Variants in MYO3B observed in about 807,000 individuals in gnomAD.
MYO3B encodes myosin IIIB, also known as myosin-IIIb.
Under a neutral mutation model 174.6 loss-of-function variants are expected in MYO3B, and 156 were observed. That is an observed-to-expected ratio of 0.89 (90% confidence interval 0.78 to 1.02). MYO3B has a LOEUF of 1.02. MYO3B is among the 50% of genes least tolerant of loss of function. The pLI, the probability that MYO3B is intolerant of heterozygous loss-of-function variation, is 0.00. For synonymous variants in MYO3B, 563 were observed against 569.1 expected, an observed-to-expected ratio of 0.99 and a Z score of 0.15; for missense variants, 1,632 against 1,639.4, an observed-to-expected ratio of 1.00 and a Z score of 0.08.
intron 1 of MYO3B, among the ~76,000 whole-genome samples, chr2:170,179,921 T>C (rs976574236): frequency 6.6e-6 from 1 of 152,210 alleles, no homozygotes; most frequent in African/African-American, 2.4e-5. Flanking sequence ...ATTTCACAGT[T>C]CAGGTTTCCG....
chr2:170,568,724 G>A (rs1402558060), intron 32 of MYO3B, among the ~76,000 whole-genome samples: 1 of 152,168 alleles, frequency 6.6e-6, no homozygotes. Flanking sequence ...GAAATATAAG[G>A]ATTAAGACAT....
At chr2:170,423,751 T>C (rs189370672) in intron 22 of MYO3B, among the ~76,000 whole-genome samples, 16 of 152,228 alleles carry the variant, frequency 1.1e-4, no homozygotes, top group Admixed American at 5.9e-4. Flanking sequence ...CAGCTAATTT[T>C]TGTATTTTTA....
chr2:170,610,617 A>G (rs1475281212), intron 32 of MYO3B, among the ~76,000 whole-genome samples: 1 of 152,264 alleles, frequency 6.6e-6, no homozygotes, highest in South Asian at 2.1e-4. Flanking sequence ...ATAACTTCCT[A>G]CTTCCCACTA....
chr2:170,532,575 G>A (rs1689420651), intron 30 of MYO3B, among the ~76,000 whole-genome samples: 1 of 152,140 alleles, frequency 6.6e-6, no homozygotes, highest in Non-Finnish European at 1.5e-5. Context: ...CACTTTGGGA[G>A]GCCAAGGTGG....
At chr2:170,254,915 C>A (rs2093290471) in intron 7 of MYO3B, among the ~76,000 whole-genome samples, 1 of 152,150 alleles carries the variant, frequency 6.6e-6, no homozygotes, top group African/African-American at 2.4e-5. Context: ...AGGTTTAGGA[C>A]AAAACTAGTT....
intron 34 of MYO3B, 146 bp from the exon 35 acceptor site, chr2:170,652,837 C>A: frequency 3.8e-6 from 3 of 790,020 alleles, no homozygotes; most frequent in Admixed American, 2.7e-5. Flanking sequence ...TACTGGGAGA[C>A]CCTGAGCTAC....
intron 8 of MYO3B, among the ~76,000 whole-genome samples, chr2:170,360,414 C>G (rs952157084): frequency 6.6e-6 from 1 of 152,174 alleles, no homozygotes; most frequent in South Asian, 2.1e-4. Flanking sequence ...TGCCAAAGCT[C>G]TTTGCTTTTG....
intron 7 of MYO3B, among the ~76,000 whole-genome samples, chr2:170,241,334 A>G (rs2093130772): frequency 1.3e-5 from 2 of 152,188 alleles, no homozygotes; most frequent in African/African-American, 4.8e-5. Flanking sequence ...GACCTAGTCT[A>G]AGGACTTAGG....
intron 32 of MYO3B, among the ~76,000 whole-genome samples, chr2:170,645,632 A>C (rs372101216): frequency 1.3e-5 from 2 of 152,128 alleles, no homozygotes; most frequent in African/African-American, 4.8e-5. Context: ...TCAAGTTTTC[A>C]CTCTGCCGCT....
chr2:170,228,960 C>CAAAAA (rs539746576), intron 6 of MYO3B, among the ~76,000 whole-genome samples: 13 of 98,296 alleles, frequency 1.3e-4, no homozygotes, highest in African/African-American at 2.4e-4. Flanking sequence ...ATTCCCTTTA[C>CAAAAA]AAAAAAAAAA....
At chr2:170,208,040 C>T (rs978754881) in intron 3 of MYO3B, among the ~76,000 whole-genome samples, 1 of 152,178 alleles carries the variant, frequency 6.6e-6, no homozygotes, top group Non-Finnish European at 1.5e-5. Flanking sequence ...CTCTAGACCT[C>T]ATTTATGCCA....
At chr2:170,446,603 G>A (rs2094844249) in intron 23 of MYO3B, among the ~76,000 whole-genome samples, 2 of 152,120 alleles carry the variant, frequency 1.3e-5, no homozygotes, top group Admixed American at 1.3e-4. Flanking sequence ...AAAATATGAA[G>A]TGCAGTAATA....
chr2:170,599,902 A>G (rs546227495), intron 32 of MYO3B, among the ~76,000 whole-genome samples: 1 of 152,248 alleles, frequency 6.6e-6, no homozygotes, highest in South Asian at 2.1e-4. Flanking sequence ...TAATATTTAG[A>G]TTTAATACAA....
At chr2:170,386,564 G>A (rs2094377060) in intron 13 of MYO3B, among the ~76,000 whole-genome samples, 1 of 152,128 alleles carries the variant, frequency 6.6e-6, no homozygotes, top group Admixed American at 6.5e-5. Flanking sequence ...AAATGGTTAA[G>A]CACTAGGAAC....
chr2:170,271,674 A>C (rs190817975), intron 7 of MYO3B, among the ~76,000 whole-genome samples: 1 of 152,186 alleles, frequency 6.6e-6, no homozygotes, highest in Admixed American at 6.6e-5. Context: ...AAACTGTGCT[A>C]TCTTGTGAAG....
chr2:170,374,754 T>TACATACACACAC lies in MYO3B; in HGVS notation c.971+5381_971+5392dup, dbSNP rs1289638306. ...CACTCTCTCTATATATATATATGCA[T>TACATACACACAC]ACATACACACACACACACACACACA... On this transcript the variant is annotated intron_variant, in intron 9 of 34. Coordinates refer to ENST00000408978, the MANE Select transcript of MYO3B (RefSeq NM_138995.5). Among the ~76,000 whole-genome samples, 434 of 97,476 alleles carry TACATACACACAC rather than the reference T, an allele frequency of 4.5e-3. 1 individual carries two copies. The highest frequency in any genetic ancestry group is 0.023 in the African/African-American group (414 of 18,038). The allele number at this position is 97,476 out of a possible 152,430, so 63.9% of individuals were successfully genotyped here. A position where few individuals can be genotyped will look rare whatever the true frequency, so the allele number is the denominator to read the frequency against.
chr2:170,461,725 G>A (rs1575016919), intron 23 of MYO3B, among the ~76,000 whole-genome samples: 1 of 151,324 alleles, frequency 6.6e-6, no homozygotes, highest in East Asian at 1.9e-4. Context: ...GTAGTGAGCT[G>A]AGATCGCGCC....
chr2:170,572,940 T>A (rs1692536654), intron 32 of MYO3B, among the ~76,000 whole-genome samples: 1 of 152,086 alleles, frequency 6.6e-6, no homozygotes, highest in Non-Finnish European at 1.5e-5. Context: ...CTTCAGTAAT[T>A]CATTGTATAA....
chr2:170,493,883 T>G (rs886352384), intron 25 of MYO3B, among the ~76,000 whole-genome samples: 1 of 152,122 alleles, frequency 6.6e-6, no homozygotes, highest in Non-Finnish European at 1.5e-5. Flanking sequence ...GAATAGAATC[T>G]TGCCACCAAC....
Sources: gnomAD v4.1 joint callset for allele counts (sites outside exome capture counted in the v4.1 genomes callset) on GRCh38, gnomAD v4.1.1 for gene constraint, MANE v1.5 for transcripts, NCBI Gene and HGNC (gene_info 2026-07-23, HGNC 2026-07-21) for gene names.